The following NAV3 variants were observed in gnomAD, a reference collection of about 807,000 sequenced individuals.
The protein encoded by NAV3 is neuron navigator 3.
A neutral mutation model predicts 244.7 loss-of-function variants in NAV3; 87 were observed. The observed-to-expected ratio is 0.36, with a 90% CI of 0.30 to 0.42. The LOEUF (loss-of-function observed/expected upper bound fraction) is 0.42, where lower values mean the gene tolerates loss of function less well. Ranked by LOEUF, NAV3 falls within the 20% of genes least tolerant of loss-of-function variation. The pLI is 1.00. For synonymous variants in NAV3, 1,126 were observed against 1,042.2 expected (o/e 1.08, Z -1.55); for missense variants, 2,663 against 2,893.3 (o/e 0.92, Z 1.83).
chr12:77,864,131 T>G (rs1879666306), intron 1 of NAV3, among the ~76,000 whole-genome samples: 1 of 151,854 alleles, frequency 6.6e-6, no homozygotes, highest in Non-Finnish European at 1.5e-5. Flanking sequence ...ACACCCCCAA[T>G]TTGGTTTGTA....
chr12:77,959,972 G>T (rs539715399), intron 3 of NAV3, among the ~76,000 whole-genome samples: 32 of 142,276 alleles, frequency 2.2e-4, no homozygotes, highest in Non-Finnish European at 4.7e-4. Flanking sequence ...CATATAGCAG[G>T]CCAAATGCTA....
rs1869293884 is a variant in NAV3 at position 77,580,222 on chromosome 12, ACACACACAC to A, written c.72+7957_72+7965del. On this transcript the variant is annotated intron_variant, in intron 2 of 8. Coordinates refer to the NAV3 transcript ENST00000550042. ...CTTTATTTGGGGGTAGGGTGGGAAC[ACACACACAC>A]ACACACACACACACACACACACACA... Among the ~76,000 whole-genome samples, 5 of 53,766 alleles carry A rather than the reference ACACACACAC, an allele frequency of 9.3e-5. No homozygotes were observed. The East Asian group carries it at 2.1e-3, about 23-fold the overall frequency. 35.3% of individuals were successfully genotyped at this position (53,766 alleles called of 152,430 possible). A position where few individuals can be genotyped will look rare whatever the true frequency, so the allele number is the denominator to read the frequency against.
chr12:77,702,927 A>G (rs1471665520), intron 2 of NAV3, among the ~76,000 whole-genome samples: 2 of 151,944 alleles, frequency 1.3e-5, no homozygotes, highest in African/African-American at 4.8e-5. Context: ...TAGTCTGAAG[A>G]ACTACCTTTA....
intron 9 of NAV3, among the ~76,000 whole-genome samples, chr12:78,035,894 G>A (rs1879787602): frequency 6.6e-6 from 1 of 152,004 alleles, no homozygotes; most frequent in African/African-American, 2.4e-5. Flanking sequence ...CATTTTTTAG[G>A]TCCTTTACAC....
At chr12:77,730,320 G>T (rs1370087407) in intron 2 of NAV3, among the ~76,000 whole-genome samples, 1 of 151,698 alleles carries the variant, frequency 6.6e-6, no homozygotes, top group Non-Finnish European at 1.5e-5. Flanking sequence ...CAGGAAAGAT[G>T]AATAGGATGA....
At chr12:78,068,342 T>C (rs1885274436) in intron 12 of NAV3, among the ~76,000 whole-genome samples, 1 of 151,508 alleles carries the variant, frequency 6.6e-6, no homozygotes, top group Non-Finnish European at 1.5e-5. Context: ...CTGGATGAAA[T>C]ATTTTGACTT....
At chr12:78,136,159 T>C (rs1176404541) in intron 18 of NAV3, among the ~76,000 whole-genome samples, 1 of 152,198 alleles carries the variant, frequency 6.6e-6, no homozygotes, top group Non-Finnish European at 1.5e-5. Context: ...AATTTTGAAG[T>C]GATGTCAGAA....
intron 1 of NAV3, among the ~76,000 whole-genome samples, chr12:77,832,726 A>T (rs1365907755): frequency 6.6e-6 from 1 of 152,124 alleles, no homozygotes; most frequent in Non-Finnish European, 1.5e-5. Flanking sequence ...GATCTTATTC[A>T]TTCTATCTAA....
chr12:78,017,697 C>G (rs1337847957), intron 8 of NAV3, among the ~76,000 whole-genome samples: 1 of 152,142 alleles, frequency 6.6e-6, no homozygotes, highest in African/African-American at 2.4e-5. Context: ...TCAAAATGTA[C>G]TTTCTGATTA....
At chr12:78,139,010 G>A (rs974948866) in intron 19 of NAV3, among the ~76,000 whole-genome samples, 2 of 152,196 alleles carry the variant, frequency 1.3e-5, no homozygotes, top group African/African-American at 2.4e-5. Flanking sequence ...GAATGAGAAT[G>A]AGATGGTCTA....
At chr12:78,108,069 T>A (rs2138341970) in intron 12 of NAV3, among the ~76,000 whole-genome samples, 1 of 152,204 alleles carries the variant, frequency 6.6e-6, no homozygotes, top group Admixed American at 6.5e-5. Flanking sequence ...ACAAGAAACT[T>A]ACCAGGCAGA....
chr12:78,191,413 T>C (rs1242627700), intron 34 of NAV3, among the ~76,000 whole-genome samples: 1 of 152,040 alleles, frequency 6.6e-6, no homozygotes, highest in African/African-American at 2.4e-5. Flanking sequence ...CTCACAAGCA[T>C]ACACACACAT....
intron 7 of NAV3, among the ~76,000 whole-genome samples, chr12:77,999,667 G>T (rs1872907026): frequency 6.6e-6 from 1 of 152,032 alleles, no homozygotes; most frequent in Non-Finnish European, 1.5e-5. Context: ...AAACAAAAGT[G>T]TATATTTGGA....
At chr12:78,078,425 T>G (rs1168114642) in intron 12 of NAV3, among the ~76,000 whole-genome samples, 1 of 114,168 alleles carries the variant, frequency 8.8e-6, no homozygotes, top group African/African-American at 3.3e-5. Flanking sequence ...AGACGGAGTC[T>G]CGCTCTGTCG....
intron 1 of NAV3, among the ~76,000 whole-genome samples, chr12:77,875,423 T>G (rs1160895927): frequency 6.6e-6 from 1 of 152,094 alleles, no homozygotes; most frequent in Non-Finnish European, 1.5e-5. Context: ...ATGTTCTTTA[T>G]TGTATTTAAT....
chr12:77,686,421 T>G lies in NAV3; in HGVS notation c.72+114155T>G, dbSNP rs1874749480. Among the ~76,000 whole-genome samples the G allele has an allele frequency of 6.1e-5, 3 of 49,512 alleles. No individual in the cohort carries two copies. The East Asian group carries it at 4.6e-3, about 77-fold the overall frequency. The allele number at this position is 49,512 out of a possible 152,430, so 32.5% of individuals were successfully genotyped here. ...TTTTTTCTTTTCTTTTCTTTCTTTC[T>G]TTCTTTTTTTTTTTTTTTTTTTTTT... On this transcript the variant is annotated intron_variant, in intron 2 of 8. Coordinates refer to the NAV3 transcript ENST00000550042.
intron 2 of NAV3, among the ~76,000 whole-genome samples, chr12:77,623,976 T>C (rs1053056886): frequency 1.7e-4 from 26 of 152,330 alleles, no homozygotes; most frequent in African/African-American, 6.0e-4. Context: ...GCTTTTTAAG[T>C]ATCCATTGTG....
intron 2 of NAV3, among the ~76,000 whole-genome samples, chr12:77,824,811 T>G (rs935018336): frequency 6.6e-6 from 1 of 151,938 alleles, no homozygotes; most frequent in Non-Finnish European, 1.5e-5. Flanking sequence ...CAAAATGGCT[T>G]GAACCCAGGA....
At chr12:77,841,381 AT>A in intron 1 of NAV3, among the ~76,000 whole-genome samples, 1 of 152,292 alleles carries the variant, frequency 6.6e-6, no homozygotes, top group Middle Eastern at 3.4e-3. Context: ...CAGGTTCAAA[AT>A]TTTTCATAAT....
Sources: gnomAD v4.1 joint callset for allele counts (sites outside exome capture counted in the v4.1 genomes callset) on GRCh38, gnomAD v4.1.1 for gene constraint, MANE v1.5 for transcripts, NCBI Gene and HGNC (gene_info 2026-07-23, HGNC 2026-07-21) for gene names.